The following CTNND2 variants were observed in gnomAD, a reference collection of about 807,000 sequenced individuals.
CTNND2 encodes catenin delta-2.
Under a neutral mutation model 144.4 loss-of-function variants are expected in CTNND2, and 22 were observed. That is an observed-to-expected ratio of 0.15 (90% CI 0.11 to 0.22). The LOEUF is 0.22. Ranked by LOEUF, CTNND2 falls within the 10% of genes least tolerant of loss-of-function variation. The pLI is 1.00. For synonymous variants in CTNND2, 751 were observed against 695.6 expected (o/e 1.08, Z -1.25); for missense variants, 1,353 against 1,618.8 (o/e 0.84, Z 2.82).
chr5:11,636,221 C>T (rs1382244958), intron 2 of CTNND2, among the ~76,000 whole-genome samples: 1 of 152,158 alleles, frequency 6.6e-6, no homozygotes, highest in Non-Finnish European at 1.5e-5. Context: ...AGCTGTTTCT[C>T]AGTTGGCTAT....
At chr5:11,313,260 C>A (rs1751169453) in intron 9 of CTNND2, among the ~76,000 whole-genome samples, 1 of 152,204 alleles carries the variant, frequency 6.6e-6, no homozygotes, top group South Asian at 2.1e-4. Flanking sequence ...GGATTTGGGG[C>A]AGCAGCAGGA....
At chr5:11,272,652 T>C (rs896003363) in intron 9 of CTNND2, among the ~76,000 whole-genome samples, 11 of 152,170 alleles carry the variant, frequency 7.2e-5, no homozygotes, top group Non-Finnish European at 1.0e-4. Context: ...AAAATTGTGC[T>C]AATCCAATCA....
At chr5:11,479,137 C>T (rs1768010985) in intron 3 of CTNND2, among the ~76,000 whole-genome samples, 1 of 152,202 alleles carries the variant, frequency 6.6e-6, no homozygotes, top group African/African-American at 2.4e-5. Context: ...TCCTGATCCT[C>T]TACCTCCTCC....
chr5:11,633,775 CA>C (rs71595827), intron 2 of CTNND2, among the ~76,000 whole-genome samples: 3,147 of 136,340 alleles, frequency 0.023, 48 homozygotes, highest in East Asian at 0.054. Flanking sequence ...GGCACTGTCT[CA>C]AAAAAAAAAA....
At chr5:11,287,825 A>C (rs1747905825) in intron 9 of CTNND2, among the ~76,000 whole-genome samples, 1 of 152,226 alleles carries the variant, frequency 6.6e-6, no homozygotes, top group Non-Finnish European at 1.5e-5. Flanking sequence ...TTATAATTTG[A>C]ATCACTGGAC....
chr5:11,879,999 G>C (rs913931445), intron 1 of CTNND2, among the ~76,000 whole-genome samples: 2 of 152,156 alleles, frequency 1.3e-5, no homozygotes, highest in Admixed American at 1.3e-4. Context: ...AGGATCCACT[G>C]TCCTGGGTTC....
At chr5:10,978,080 C>T (rs1213004465) in intron 21 of CTNND2, among the ~76,000 whole-genome samples, 1 of 152,180 alleles carries the variant, frequency 6.6e-6, no homozygotes, top group East Asian at 1.9e-4. Context: ...CTGAGCCACC[C>T]GGGAGACAGG....
intron 3 of CTNND2, among the ~76,000 whole-genome samples, chr5:11,511,747 T>C (rs1390685429): frequency 6.6e-6 from 1 of 152,152 alleles, no homozygotes; most frequent in Non-Finnish European, 1.5e-5. Flanking sequence ...TGCTGTTCCA[T>C]AGGTTTCTGT....
chr5:11,217,198 A>T (rs1349419804), intron 10 of CTNND2, among the ~76,000 whole-genome samples: 3 of 152,248 alleles, frequency 2.0e-5, no homozygotes, highest in Admixed American at 2.0e-4. Context: ...CAGATTGCAC[A>T]ATGGATGGCT....
intron 15 of CTNND2, among the ~76,000 whole-genome samples, chr5:11,091,994 T>G (rs1750822372): frequency 6.6e-6 from 1 of 152,144 alleles, no homozygotes; most frequent in South Asian, 2.1e-4. Context: ...CTTTGATATC[T>G]CCCGATTCCC....
intron 1 of CTNND2, among the ~76,000 whole-genome samples, chr5:11,734,742 T>A (rs1340329563): frequency 1.3e-5 from 2 of 152,196 alleles, no homozygotes; most frequent in Non-Finnish European, 2.9e-5. Flanking sequence ...GCCTTTGCCC[T>A]AAGTTATTAC....
chr5:11,708,594 G>T (rs1000993523), intron 2 of CTNND2, among the ~76,000 whole-genome samples: 3 of 151,974 alleles, frequency 2.0e-5, no homozygotes, highest in Admixed American at 6.6e-5. Context: ...TTCTTGCTTG[G>T]CGAGTCTGGG....
intron 5 of CTNND2, among the ~76,000 whole-genome samples, chr5:11,400,545 A>G (rs1760548626): frequency 6.6e-6 from 1 of 152,232 alleles, no homozygotes; most frequent in African/African-American, 2.4e-5. Context: ...AGGTGAAACC[A>G]TTTCCTCATA....
intron 3 of CTNND2, among the ~76,000 whole-genome samples, chr5:11,443,411 G>T (rs1181434449): frequency 9.4e-6 from 1 of 106,552 alleles, no homozygotes; most frequent in Admixed American, 1.0e-4. Flanking sequence ...TGTGGGGGGG[G>T]TGTGTGGTGT....
chr5:11,006,366 G>A (rs1580010548), intron 18 of CTNND2, among the ~76,000 whole-genome samples: 2 of 152,306 alleles, frequency 1.3e-5, no homozygotes, highest in Admixed American at 6.5e-5. Flanking sequence ...TCTAGCCAAT[G>A]GAGGTGAGGC....
chr5:11,296,008 C>G (rs1748934694), intron 9 of CTNND2, among the ~76,000 whole-genome samples: 1 of 150,682 alleles, frequency 6.6e-6, no homozygotes, highest in Non-Finnish European at 1.5e-5. Context: ...TAAAGAGCTT[C>G]TGCACAGCAA....
In CTNND2 at chr5:10,971,849, T is replaced by C. The variant is rs1370227013; in HGVS notation, c.*1604A>G. 1 of 152,654 alleles carries C rather than the reference T, an allele frequency of 6.6e-6. No individual in the cohort carries two copies. The highest frequency in any genetic ancestry group is 6.5e-5 in the Admixed American group (1 of 15,276). 9.5% of individuals were successfully genotyped at this position (152,654 alleles called of 1,614,324 possible). ...GATGGCAGCCAATTTCTTTTGTTAC[T>C]GATGTTTTTATTTTTTCCAAGAACA... is the stretch of plus-strand genomic sequence containing the variant. On this transcript the variant is annotated 3_prime_UTR_variant, in exon 22 of 22. Transcript: ENST00000304623.
At chr5:11,046,311 T>G (rs1745245650) in intron 16 of CTNND2, among the ~76,000 whole-genome samples, 1 of 152,198 alleles carries the variant, frequency 6.6e-6, no homozygotes, top group Non-Finnish European at 1.5e-5. Flanking sequence ...AAGCAGAGAT[T>G]GAGGCGATGC....
chr5:11,566,733 A>G (rs1339125357), intron 2 of CTNND2, among the ~76,000 whole-genome samples: 2 of 152,122 alleles, frequency 1.3e-5, no homozygotes, highest in Admixed American at 6.5e-5. Context: ...TTCCGCTAGG[A>G]CGGATGTTGC....
Sources: allele counts gnomAD v4.1 joint callset (sites outside exome capture counted in the v4.1 genomes callset), GRCh38; gene constraint gnomAD v4.1.1; transcripts MANE v1.5; gene names NCBI Gene and HGNC (gene_info 2026-07-23, HGNC 2026-07-21).